The following ENTREP2 variants were observed in gnomAD, a reference collection of about 807,000 sequenced individuals.
The protein encoded by ENTREP2 is protein ENTREP2.
chr15:29,504,443 T>C, the ENTREP2 span, among the ~76,000 whole-genome samples: 1 of 152,154 alleles, frequency 6.6e-6, no homozygotes, highest in Non-Finnish European at 1.5e-5. Context: ...GTACTACATA[T>C]TGATTCCAGA....
the ENTREP2 span, among the ~76,000 whole-genome samples, chr15:29,410,592 C>T: frequency 6.6e-6 from 1 of 152,044 alleles, no homozygotes; most frequent in African/African-American, 2.4e-5. Flanking sequence ...CTCCCTGCCT[C>T]CCTCTGCCTT....
chr15:29,358,119 C>T, the ENTREP2 span, among the ~76,000 whole-genome samples: 58 of 152,166 alleles, frequency 3.8e-4, no homozygotes, highest in African/African-American at 1.1e-3. Flanking sequence ...CCTGAGGAGA[C>T]GGGCATTTAA....
At chr15:29,394,960 T>A in the ENTREP2 span, among the ~76,000 whole-genome samples, 1 of 143,074 alleles carries the variant, frequency 7.0e-6, no homozygotes, top group Non-Finnish European at 1.5e-5. Flanking sequence ...TGATCTCAGC[T>A]CACTGCAAGC....
chr15:29,519,125 A>G, the ENTREP2 span, among the ~76,000 whole-genome samples: 3 of 151,826 alleles, frequency 2.0e-5, no homozygotes, highest in Non-Finnish European at 2.9e-5. Flanking sequence ...GTATTCTAAA[A>G]TAATATACAC....
At chr15:29,215,330 G>T in the ENTREP2 span, among the ~76,000 whole-genome samples, 1 of 151,908 alleles carries the variant, frequency 6.6e-6, no homozygotes, top group Non-Finnish European at 1.5e-5. Flanking sequence ...AACCTGGGTG[G>T]GAACACTCTA....
At chr15:29,665,949 G>T in the ENTREP2 span, among the ~76,000 whole-genome samples, 153 of 151,260 alleles carry the variant, frequency 1.0e-3, no homozygotes, top group Middle Eastern at 0.017. Context: ...CGCCTCCCGG[G>T]TTCAAACAAT....
chr15:29,429,138 T>C, the ENTREP2 span, among the ~76,000 whole-genome samples: 1 of 151,538 alleles, frequency 6.6e-6, no homozygotes, highest in Non-Finnish European at 1.5e-5. Flanking sequence ...TTCATCTATC[T>C]TGAGATGTCT....
At chr15:29,560,449 A>T in the ENTREP2 span, among the ~76,000 whole-genome samples, 1 of 152,084 alleles carries the variant, frequency 6.6e-6, no homozygotes, top group South Asian at 2.1e-4. Flanking sequence ...GGGCCCAGGA[A>T]TGTCCTCCTG....
At chr15:29,469,554 A>G in the ENTREP2 span, among the ~76,000 whole-genome samples, 1 of 152,254 alleles carries the variant, frequency 6.6e-6, no homozygotes, top group African/African-American at 2.4e-5. Flanking sequence ...AGAGAAGTAG[A>G]GTGGTGGTTG....
At chr15:29,319,336 A>G in the ENTREP2 span, among the ~76,000 whole-genome samples, 1 of 152,232 alleles carries the variant, frequency 6.6e-6, no homozygotes, top group Non-Finnish European at 1.5e-5. Context: ...CAAGAAGCTC[A>G]GACAGCCCCA....
chr15:29,607,825 T>TAGATAGATAGAC, the ENTREP2 span, among the ~76,000 whole-genome samples: 73 of 84,976 alleles, frequency 8.6e-4, 1 homozygote, highest in African/African-American at 5.0e-3. Flanking sequence ...GATAGATAGA[T>TAGATAGATAGAC]AGACAGACAG....
the ENTREP2 span, among the ~76,000 whole-genome samples, chr15:29,125,348 A>T: frequency 6.6e-6 from 1 of 152,112 alleles, no homozygotes; most frequent in Non-Finnish European, 1.5e-5. Flanking sequence ...TGAGCTGGCA[A>T]TGGGATGCAG....
At chr15:29,248,616 T>C in the ENTREP2 span, among the ~76,000 whole-genome samples, 1 of 152,130 alleles carries the variant, frequency 6.6e-6, no homozygotes, top group African/African-American at 2.4e-5. Context: ...TATAAATACA[T>C]ATAAGCTTAT....
the ENTREP2 span, among the ~76,000 whole-genome samples, chr15:29,146,432 T>C: frequency 6.6e-6 from 1 of 152,204 alleles, no homozygotes; most frequent in South Asian, 2.1e-4. Context: ...CGAAACCATG[T>C]GGCACTGGCA....
At chr15:29,512,753 T>C in the ENTREP2 span, among the ~76,000 whole-genome samples, 1 of 152,194 alleles carries the variant, frequency 6.6e-6, no homozygotes, top group African/African-American at 2.4e-5. Context: ...GAAATAAATG[T>C]CTACTGTTTA....
the ENTREP2 span, among the ~76,000 whole-genome samples, chr15:29,320,618 C>T: frequency 6.6e-6 from 1 of 152,202 alleles, no homozygotes; most frequent in East Asian, 1.9e-4. Context: ...ATGCTAAGGG[C>T]TGCAATGGGA....
chr15:29,666,653 C>T, the ENTREP2 span, among the ~76,000 whole-genome samples: 1 of 152,178 alleles, frequency 6.6e-6, no homozygotes, highest in African/African-American at 2.4e-5. Flanking sequence ...GTTTCTTGGG[C>T]CTGCCAGGCC....
At chr15:29,225,987 G>T in the ENTREP2 span, among the ~76,000 whole-genome samples, 2 of 152,038 alleles carry the variant, frequency 1.3e-5, no homozygotes, top group African/African-American at 4.8e-5. Context: ...ACTTCCTGTT[G>T]TCTGACACTG....
chr15:29,462,437 C>A, the ENTREP2 span, among the ~76,000 whole-genome samples: 1 of 151,778 alleles, frequency 6.6e-6, no homozygotes, highest in South Asian at 2.1e-4. Context: ...GGTGAAACCC[C>A]GTTTCTACTA....
Sources: allele counts gnomAD v4.1 joint callset (sites outside exome capture counted in the v4.1 genomes callset), GRCh38; gene constraint gnomAD v4.1.1; transcripts MANE v1.5; gene names NCBI Gene and HGNC (gene_info 2026-07-23, HGNC 2026-07-21).